SLC26A7: variants seen among roughly 807,000 people sequenced by gnomAD.
SLC26A7 encodes anion exchange transporter.
A neutral mutation model predicts 82.5 loss-of-function variants in SLC26A7; 59 were observed. The observed-to-expected ratio is 0.72, with a 90% CI of 0.58 to 0.89. The LOEUF (loss-of-function observed/expected upper bound fraction) is 0.89, where lower values mean the gene tolerates loss of function less well. SLC26A7 is among the 40% of genes least tolerant of loss of function. SLC26A7 has a pLI of 0.00. For missense variants in SLC26A7, 820 were observed against 793.0 expected (o/e 1.03, Z -0.41); for synonymous variants, 271 against 274.3 (o/e 0.99, Z 0.12).
At chr8:91,281,849 T>C (rs1365218613) in intron 2 of SLC26A7, among the ~76,000 whole-genome samples, 1 of 152,176 alleles carries the variant, frequency 6.6e-6, no homozygotes, top group Non-Finnish European at 1.5e-5. Flanking sequence ...GATAGTAGTA[T>C]TGTGCTTTTC....
intron 7 of SLC26A7, 91 bp from the exon 8 acceptor site, chr8:91,340,313 T>C (rs1367496045): frequency 1.5e-5 from 22 of 1,493,068 alleles, no homozygotes; most frequent in Admixed American, 1.8e-5. Context: ...CTATGTAAAC[T>C]TCAGAGTCAT....
chr8:91,331,961 T>C (rs1358852469), intron 5 of SLC26A7, among the ~76,000 whole-genome samples: 1 of 151,906 alleles, frequency 6.6e-6, no homozygotes, highest in Non-Finnish European at 1.5e-5. Context: ...TGTTATCTGT[T>C]TATGTCCTCT....
chr8:91,233,208 C>T (rs1810332919), intron 2 of SLC26A7, among the ~76,000 whole-genome samples: 1 of 152,072 alleles, frequency 6.6e-6, no homozygotes, highest in South Asian at 2.1e-4. Context: ...AGGATAAGTG[C>T]AGAAGAGGAG....
At chr8:91,358,655 A>G (rs1813952868) in intron 11 of SLC26A7, among the ~76,000 whole-genome samples, 1 of 152,024 alleles carries the variant, frequency 6.6e-6, no homozygotes, top group Non-Finnish European at 1.5e-5. Flanking sequence ...TTGCGGCACT[A>G]CTCACAATAG....
chr8:91,387,259 AAAT>A (rs1176651324), intron 15 of SLC26A7, among the ~76,000 whole-genome samples: 1 of 152,246 alleles, frequency 6.6e-6, no homozygotes, highest in African/African-American at 2.4e-5. Flanking sequence ...CTGAAAATAT[AAAT>A]AAAAGCCTCT....
In SLC26A7 at chr8:91,393,873, A is replaced by T. The variant is rs1177304311; in HGVS notation, c.1831+22A>T. On this transcript the variant is annotated intron_variant, in intron 17 of 18. Transcript: ENST00000276609. ...ACAGGTAAGAGAATGTCCCTGACTA[A>T]CGTTGAATGTGATTTTTCTGCACTT... 5 of 1,613,470 alleles carry T rather than the reference A, an allele frequency of 3.1e-6. No individual in the cohort carries two copies. The South Asian group carries it at 5.5e-5, about 18-fold the overall frequency.
intron 14 of SLC26A7, among the ~76,000 whole-genome samples, chr8:91,368,111 G>T (rs1233593013): frequency 6.6e-6 from 1 of 152,134 alleles, no homozygotes; most frequent in Admixed American, 6.5e-5. Context: ...CTAAGAGTGG[G>T]CCCCTTTTGT....
intron 1 of SLC26A7, among the ~76,000 whole-genome samples, chr8:91,216,013 G>A (rs1256454317): frequency 6.6e-6 from 1 of 152,124 alleles, no homozygotes; most frequent in Non-Finnish European, 1.5e-5. Context: ...ATGGAAAAGT[G>A]TAATACCAAG....
At position 91,393,843 on chromosome 8, in the gene SLC26A7, A is replaced by C. The variant is rs1484217111; in HGVS notation, c.1823A>C (p.His608Pro). 2.5e-6 allele frequency: 4 copies of C among 1,613,584 alleles called. No individual in the cohort carries two copies. ...AGGAGTGTGGATGTATTGTTAGCCC[A>C]TTGTACAGGTAAGAGAATGTCCCTG... ...KGRSVDVLLA[H>P]CTASLIKAMT... Residue 608 changes from histidine (H) to proline (P), a missense_variant, in exon 17 of 19, where the codon CAT becomes CCT. Coordinates refer to ENST00000276609, the MANE Select transcript of SLC26A7 (RefSeq NM_052832.4).
At chr8:91,270,323 A>C (rs1177532255) in intron 2 of SLC26A7, among the ~76,000 whole-genome samples, 1 of 152,168 alleles carries the variant, frequency 6.6e-6, no homozygotes, top group Admixed American at 6.5e-5. Context: ...ACCAGAACTT[A>C]AATGCTGCAC....
chr8:91,373,555 G>A (rs1183348919), intron 15 of SLC26A7, among the ~76,000 whole-genome samples: 1 of 151,936 alleles, frequency 6.6e-6, no homozygotes, highest in African/African-American at 2.4e-5. Flanking sequence ...AACCATCCTT[G>A]TGTCCCTGGA....
chr8:91,385,162 C>A (rs929860009), intron 15 of SLC26A7, among the ~76,000 whole-genome samples: 2 of 152,042 alleles, frequency 1.3e-5, no homozygotes, highest in Admixed American at 6.6e-5. Flanking sequence ...AGATAAAGCC[C>A]ATCATTTACC....
intron 8 of SLC26A7, 142 bp downstream of exon 8, chr8:91,340,693 TATC>T (rs1813384982): frequency 1.0e-6 from 1 of 967,636 alleles, no homozygotes; most frequent in African/African-American, 1.7e-5. Context: ...AAAAGAAAAA[TATC>T]AAAATCATTC....
chr8:91,212,249 A>G (rs954641281), intron 1 of SLC26A7, among the ~76,000 whole-genome samples: 1 of 152,154 alleles, frequency 6.6e-6, no homozygotes, highest in Non-Finnish European at 1.5e-5. Context: ...AAATAGTCTC[A>G]TAAAATTCTT....
intron 16 of SLC26A7, among the ~76,000 whole-genome samples, chr8:91,392,960 T>C (rs1808443921): frequency 6.6e-6 from 1 of 152,218 alleles, no homozygotes; most frequent in African/African-American, 2.4e-5. Flanking sequence ...TGCTTAGTAA[T>C]ATATCTCCCA....
intron 2 of SLC26A7, among the ~76,000 whole-genome samples, chr8:91,225,644 T>G (rs1323186183): frequency 1.0e-3 from 5 of 4,960 alleles, no homozygotes; most frequent in Non-Finnish European, 1.9e-3. Flanking sequence ...TAGAAAAGTG[T>G]TTTTTTTTTT....
At chr8:91,281,302 G>A (rs12680189) in intron 2 of SLC26A7, among the ~76,000 whole-genome samples, 104,905 of 151,978 alleles carry the variant, frequency 0.69, 36,781 homozygotes, top group Non-Finnish European at 0.76. Flanking sequence ...CATGTCTCCC[G>A]GTTAAAGGGT....
intron 15 of SLC26A7, among the ~76,000 whole-genome samples, chr8:91,387,041 T>G (rs992865457): frequency 1.2e-4 from 18 of 152,104 alleles, no homozygotes; most frequent in African/African-American, 4.1e-4. Context: ...TATAAATTTT[T>G]TATGTTTTCT....
chr8:91,365,688 T>G (rs117272400), intron 13 of SLC26A7, among the ~76,000 whole-genome samples: 1 of 152,342 alleles, frequency 6.6e-6, no homozygotes, highest in Non-Finnish European at 1.5e-5. Context: ...TTTTTGGAAA[T>G]GAGGGAACTG....
Sources: allele counts gnomAD v4.1 joint callset (sites outside exome capture counted in the v4.1 genomes callset), GRCh38; gene constraint gnomAD v4.1.1; transcripts MANE v1.5; gene names NCBI Gene and HGNC (gene_info 2026-07-23, HGNC 2026-07-21).